The following SOD1 variants were observed in gnomAD, a reference collection of about 807,000 sequenced individuals.
The protein encoded by SOD1 is superoxide dismutase [Cu-Zn].
SOD1 carries 8 observed loss-of-function variants against 15.9 expected under a neutral mutation model. The ratio of observed to expected loss-of-function variants is 0.50; its 90% CI spans 0.30 to 0.91. The LOEUF (loss-of-function observed/expected upper bound fraction) is 0.91. Among genes scored for constraint, SOD1 ranks in the 40% least tolerant of loss-of-function variants. The pLI, the probability that SOD1 is intolerant of heterozygous loss-of-function variation, is 0.07. For missense variants in SOD1, 137 were observed against 194.5 expected (o/e 0.70, Z 1.76); for synonymous variants, 86 against 71.2 (o/e 1.21, Z -1.04).
intron 2 of SOD1, 75 bp downstream of exon 2, chr21:31,663,961 T>G (rs1414666891): frequency 1.8e-6 from 2 of 1,107,962 alleles, no homozygotes; most frequent in East Asian, 4.8e-5. Flanking sequence ...CCCCTAAACG[T>G]TAAAACCCCT....
Position 31,663,798 on chromosome 21 carries a change from TG to T in SOD1, c.83del (p.Gly28AspfsTer3). ...IINFEQKESN[G>X]PVKVWGSIKG... Reference sequence around the variant, plus strand: ...TTGCACTTTTCTTAAAGGAAAGTAATGGACCAGTGAAGGTGTGGGGAAGCAT... The same window carrying T: ...TTGCACTTTTCTTAAAGGAAAGTAATGACCAGTGAAGGTGTGGGGAAGCAT... On this transcript the variant is annotated frameshift_variant, in exon 2 of 5. Transcript: ENST00000270142. LOFTEE classifies it high-confidence loss of function. 1 of 1,611,540 alleles carries T rather than the reference TG, an allele frequency of 6.2e-7. No homozygotes were observed. Among genetic ancestry groups the T allele is most frequent in the Non-Finnish European group, 8.5e-7 (1 of 1,177,778 alleles).
chr21:31,668,735 T>G lies in SOD1; in HGVS notation c.*157T>G, dbSNP rs1326122986. ...AAAGTACCTGTAGTGAGAAACTGAT[T>G]TATGATCACTTGGAAGATTTGTATA... On this transcript the variant is annotated 3_prime_UTR_variant, in exon 5 of 5. Transcript: ENST00000270142. 2 of 650,720 alleles carry G rather than the reference T, an allele frequency of 3.1e-6. No individual in the cohort carries two copies. The highest frequency in any genetic ancestry group is 4.9e-5 in the Admixed American group (2 of 40,454). 40.3% of individuals were successfully genotyped at this position (650,720 alleles called of 1,614,324 possible).
At chr21:31,668,128 A>G (rs2049613575) in intron 4 of SOD1, among the ~76,000 whole-genome samples, 1 of 152,198 alleles carries the variant, frequency 6.6e-6, no homozygotes. Flanking sequence ...AGCAATTAAA[A>G]AAACTGCCAA....
chr21:31,666,785 A>G (rs1352375581), intron 3 of SOD1: 1 of 512,956 alleles, frequency 1.9e-6, no homozygotes, highest in African/African-American at 1.9e-5. Context: ...AGGGGAACTA[A>G]TACAGGAAAT....
chr21:31,659,930 G>C, intron 1 of SOD1, 89 bp downstream of exon 1: 1 of 1,331,320 alleles, frequency 7.5e-7, no homozygotes. Context: ...TCGCCCGCCA[G>C]GCCTCGGGGC....
At chr21:31,668,419 G>T in intron 4 of SOD1, 52 bp from the exon 5 acceptor site, 1 of 1,131,610 alleles carries the variant, frequency 8.8e-7, no homozygotes, top group South Asian at 1.2e-5. Flanking sequence ...TTGTTGGGAG[G>T]AGGTAGTGAT....
intron 2 of SOD1, among the ~76,000 whole-genome samples, chr21:31,665,878 AGTCTG>A (rs1484771655): frequency 2.0e-5 from 3 of 152,144 alleles, no homozygotes; most frequent in African/African-American, 7.2e-5. Context: ...GTTGAAGATC[AGTCTG>A]GTCCCTTATT....
At chr21:31,665,497 T>TC (rs2049585362) in intron 2 of SOD1, among the ~76,000 whole-genome samples, 1 of 152,216 alleles carries the variant, frequency 6.6e-6, no homozygotes, top group African/African-American at 2.4e-5. Context: ...AGGTGATTGC[T>TC]CTGCTGCTTC....
intron 4 of SOD1, among the ~76,000 whole-genome samples, chr21:31,668,009 G>A (rs2049611536): frequency 8.8e-6 from 1 of 113,696 alleles, no homozygotes; most frequent in Non-Finnish European, 1.8e-5. Context: ...TCAAAATACT[G>A]TTGCTTAAAG....
intron 3 of SOD1, chr21:31,666,992 T>G (rs1460261484): frequency 1.9e-6 from 1 of 523,462 alleles, no homozygotes; most frequent in Non-Finnish European, 3.4e-6. Context: ...GGGACATAGC[T>G]TTGTTAGCTA....
intron 4 of SOD1, 91 bp from the exon 5 acceptor site, chr21:31,668,380 T>C: frequency 1.2e-6 from 1 of 839,538 alleles, no homozygotes; most frequent in East Asian, 2.4e-5. Flanking sequence ...TTTTCTAATA[T>C]TATGAGGTTC....
intron 3 of SOD1, chr21:31,666,865 T>TAAA: frequency 3.0e-6 from 1 of 335,334 alleles, no homozygotes. Flanking sequence ...CTTCTGTAGA[T>TAAA]AAAAAAAAAA....
rs11556621 is a variant in SOD1 at position 31,663,803 on chromosome 21, C to G, written c.86C>G (p.Pro29Arg). 11 of 1,611,942 alleles carry G rather than the reference C, an allele frequency of 6.8e-6. No individual in the cohort carries two copies. The highest frequency in any genetic ancestry group is 9.3e-6 in the Non-Finnish European group (11 of 1,178,216). Residue 29 changes from proline to arginine, a missense_variant, in exon 2 of 5, where the codon CCA (proline) becomes CGA (arginine). Transcript: ENST00000270142. Reference sequence around the variant, plus strand: ...CTTTTCTTAAAGGAAAGTAATGGACCAGTGAAGGTGTGGGGAAGCATTAAA... The same window carrying G: ...CTTTTCTTAAAGGAAAGTAATGGACGAGTGAAGGTGTGGGGAAGCATTAAA... ...INFEQKESNG[P>R]VKVWGSIKGL...
At chr21:31,667,863 GCTCT>G (rs2049610414) in intron 4 of SOD1, among the ~76,000 whole-genome samples, 1 of 152,110 alleles carries the variant, frequency 6.6e-6, no homozygotes, top group Non-Finnish European at 1.5e-5. Flanking sequence ...AAGTAGACAG[GCTCT>G]CTTTTACCTC....
intron 3 of SOD1, 110 bp downstream of exon 3, chr21:31,666,628 T>G: frequency 1.1e-6 from 1 of 886,982 alleles, no homozygotes; most frequent in Non-Finnish European, 1.8e-6. Context: ...CCACCTTTGC[T>G]TTTGAACTTG....
intron 1 of SOD1, chr21:31,660,199 G>GT (rs2049536130): frequency 6.5e-6 from 1 of 153,388 alleles, no homozygotes; most frequent in Non-Finnish European, 1.5e-5. Context: ...TGGAGCGGCT[G>GT]TGCTCGTCCC....
intron 2 of SOD1, among the ~76,000 whole-genome samples, chr21:31,665,334 A>AT (rs1199203640): frequency 6.6e-6 from 1 of 152,148 alleles, no homozygotes; most frequent in East Asian, 1.9e-4. Context: ...TAATAATCTG[A>AT]TTTTTTTGTT....
chr21:31,666,123 C>G (rs2049591180), intron 2 of SOD1, among the ~76,000 whole-genome samples: 1 of 151,988 alleles, frequency 6.6e-6, no homozygotes, highest in South Asian at 2.1e-4. Context: ...AGGTGCGCAC[C>G]ACCACGCCTA....
chr21:31,663,160 A>G (rs1378463061), intron 1 of SOD1, among the ~76,000 whole-genome samples: 4 of 150,194 alleles, frequency 2.7e-5, no homozygotes, highest in African/African-American at 4.9e-5. Flanking sequence ...AGTATGCCAT[A>G]TGGAAAAGGG....
Sources: gnomAD v4.1 joint callset for allele counts (sites outside exome capture counted in the v4.1 genomes callset) on GRCh38, gnomAD v4.1.1 for gene constraint, MANE v1.5 for transcripts, NCBI Gene and HGNC (gene_info 2026-07-23, HGNC 2026-07-21) for gene names.